The following SPEF2 variants were observed in gnomAD, a reference collection of about 807,000 sequenced individuals.
SPEF2 encodes the protein sperm flagella and cilia-associated protein 2.
In SPEF2, 187 loss-of-function variants were observed where a neutral mutation model predicts 224.6. The ratio of observed to expected loss-of-function variants is 0.83; its 90% CI spans 0.74 to 0.94. SPEF2 has a LOEUF of 0.94. SPEF2 is among the 40% of genes least tolerant of loss of function. The pLI, the probability that SPEF2 is intolerant of heterozygous loss-of-function variation, is 0.00. For missense variants in SPEF2, 2,170 were observed against 2,135.6 expected (o/e 1.02, Z -0.32); for synonymous variants, 715 against 707.3 (o/e 1.01, Z -0.17).
intron 21 of SPEF2, among the ~76,000 whole-genome samples, chr5:35,728,343 T>C (rs1745036273): frequency 6.6e-6 from 1 of 152,218 alleles, no homozygotes; most frequent in Non-Finnish European, 1.5e-5. Context: ...CGCTGAAAGC[T>C]CCGCCTAGCT....
chr5:35,771,588 A>G, intron 26 of SPEF2, 21 bp from the exon 27 acceptor site: 1 of 1,583,760 alleles, frequency 6.3e-7, no homozygotes, highest in South Asian at 1.2e-5. Flanking sequence ...ATTAACTGAA[A>G]TATTGCTGTT....
At chr5:35,763,774 A>G in intron 26 of SPEF2, 72 bp downstream of exon 26, 1 of 1,369,568 alleles carries the variant, frequency 7.3e-7, no homozygotes, top group Non-Finnish European at 9.7e-7. Context: ...AATATGCTAT[A>G]AGTGGAAAAT....
chr5:35,811,909 C>T (rs1173941363), intron 36 of SPEF2, among the ~76,000 whole-genome samples: 1 of 151,756 alleles, frequency 6.6e-6, no homozygotes, highest in Non-Finnish European at 1.5e-5. Context: ...CTCAGCCTCC[C>T]GAGTAGCTGG....
At chr5:35,696,161 A>G (rs892276679) in intron 14 of SPEF2, among the ~76,000 whole-genome samples, 1 of 151,988 alleles carries the variant, frequency 6.6e-6, no homozygotes. Flanking sequence ...CTTGTTGGTG[A>G]CTCTTCAGAA....
At chr5:35,712,699 T>C in intron 19 of SPEF2, 113 bp from the exon 20 acceptor site, 1 of 1,016,368 alleles carries the variant, frequency 9.8e-7, no homozygotes. Flanking sequence ...TTTTATGCAG[T>C]TCACAAATGT....
chr5:35,758,542 A>G (rs1331101339), intron 24 of SPEF2, among the ~76,000 whole-genome samples: 2 of 152,176 alleles, frequency 1.3e-5, no homozygotes, highest in Non-Finnish European at 2.9e-5. Context: ...CAACAAGGGA[A>G]TGACCGATGC....
At chr5:35,794,031 C>T (rs1025881201) in intron 32 of SPEF2, among the ~76,000 whole-genome samples, 5 of 152,156 alleles carry the variant, frequency 3.3e-5, no homozygotes, top group South Asian at 2.1e-4. Context: ...GGCATGTAAC[C>T]GGTAACCTGT....
At chr5:35,797,317 G>GGTGTGTCTGTGTGTGTGTGT (rs369368858) in intron 33 of SPEF2, among the ~76,000 whole-genome samples, 18 of 142,194 alleles carry the variant, frequency 1.3e-4, no homozygotes, top group African/African-American at 2.5e-4. Flanking sequence ...ATGGCTGACG[G>GGTGTGTCTGTGTGTGTGTGT]GTGTGTGTGT....
intron 19 of SPEF2, chr5:35,709,686 T>C (rs1170620282): frequency 5.1e-6 from 5 of 985,304 alleles, no homozygotes; most frequent in Admixed American, 1.2e-4. Context: ...AGAGAACACT[T>C]TTAGTTTAAG....
intron 2 of SPEF2, among the ~76,000 whole-genome samples, chr5:35,635,257 A>G (rs1415255370): frequency 6.6e-6 from 1 of 151,960 alleles, no homozygotes; most frequent in Non-Finnish European, 1.5e-5. Flanking sequence ...GTACTTTTCA[A>G]CTTCAGAATT....
chr5:35,728,896 A>G (rs951664545), intron 21 of SPEF2, among the ~76,000 whole-genome samples: 1 of 152,018 alleles, frequency 6.6e-6, no homozygotes, highest in African/African-American at 2.4e-5. Context: ...GTAGGTTCAA[A>G]AACTTACCAT....
In SPEF2 at chr5:35,647,570, A is replaced by G. The variant is rs543539144; in HGVS notation, c.726+763A>G. On this transcript the variant is annotated intron_variant, in intron 5 of 36. Coordinates refer to ENST00000356031, the MANE Select transcript of SPEF2 (RefSeq NM_024867.4). Reference sequence around the variant, plus strand: ...GTCTATTCATGCATGATCCACCGCCATGACCCGGACACCTCCCGTTAGGTT... The same window carrying G: ...GTCTATTCATGCATGATCCACCGCCGTGACCCGGACACCTCCCGTTAGGTT... 2.6e-5 allele frequency among the ~76,000 whole-genome samples: 4 copies of G among 152,260 alleles called. No homozygotes were observed. The East Asian group carries it at 5.8e-4, about 22-fold the overall frequency.
At chr5:35,767,266 T>G (rs1210557023) in intron 26 of SPEF2, among the ~76,000 whole-genome samples, 2 of 152,002 alleles carry the variant, frequency 1.3e-5, no homozygotes, top group Non-Finnish European at 2.9e-5. Flanking sequence ...GAACCTTTTC[T>G]TATTATGAAA....
At chr5:35,728,287 C>G (rs913341112) in intron 21 of SPEF2, among the ~76,000 whole-genome samples, 1 of 152,164 alleles carries the variant, frequency 6.6e-6, no homozygotes, top group Admixed American at 6.5e-5. Context: ...GACCTGGGAA[C>G]GTTAATGGGT....
intron 1 of SPEF2, among the ~76,000 whole-genome samples, chr5:35,624,232 T>C (rs1319368128): frequency 1.3e-5 from 2 of 152,230 alleles, no homozygotes; most frequent in Non-Finnish European, 2.9e-5. Context: ...GGACCAGGCA[T>C]GTGGCTTGGA....
At chr5:35,814,118 G>T (rs1490539021) in intron 36 of SPEF2, among the ~76,000 whole-genome samples, 1 of 152,076 alleles carries the variant, frequency 6.6e-6, no homozygotes, top group African/African-American at 2.4e-5. Flanking sequence ...GTGAATACTG[G>T]TTTTTTTGTT....
At chr5:35,787,738 C>A in intron 30 of SPEF2, 1 of 505,688 alleles carries the variant, frequency 2.0e-6, no homozygotes, top group Non-Finnish European at 3.5e-6. Context: ...AACAGAATGC[C>A]TGGTAATTAA....
chr5:35,790,309 CA>C, intron 30 of SPEF2: 1 of 596,226 alleles, frequency 1.7e-6, no homozygotes, highest in East Asian at 2.8e-5. Context: ...ACACCGTCTT[CA>C]ACTGGTGACA....
chr5:35,778,987 TA>T, intron 29 of SPEF2, 129 bp from the exon 30 acceptor site: 1 of 549,814 alleles, frequency 1.8e-6, no homozygotes, highest in Non-Finnish European at 3.0e-6. Context: ...TTGAAATTTA[TA>T]AGCATGCAGA....
Sources: gnomAD v4.1 joint callset for allele counts (sites outside exome capture counted in the v4.1 genomes callset) on GRCh38, gnomAD v4.1.1 for gene constraint, MANE v1.5 for transcripts, NCBI Gene and HGNC (gene_info 2026-07-23, HGNC 2026-07-21) for gene names.